Variants in SVEP1 observed in about 807,000 individuals in gnomAD.
The protein encoded by SVEP1 is sushi, von Willebrand factor type A, EGF and pentraxin domain containing 1.
In SVEP1, 164 loss-of-function variants were observed where a neutral mutation model predicts 367.3. The ratio of observed to expected loss-of-function variants is 0.45; its 90% CI spans 0.39 to 0.51. The LOEUF is 0.51. Ranked by LOEUF, SVEP1 falls within the 20% of genes least tolerant of loss-of-function variation. The pLI is 0.00. For synonymous variants in SVEP1, 1,666 were observed against 1,611.6 expected (o/e 1.03, Z -0.81); for missense variants, 4,117 against 4,425.3 (o/e 0.93, Z 1.98).
In SVEP1 at chr9:110,429,822, T is replaced by A. The variant is rs187754678; in HGVS notation, c.5615+98A>T. On this transcript the variant is annotated intron_variant, in intron 34 of 47. Transcript: ENST00000374469. The stretch of plus-strand genomic sequence containing the variant: ...ATTACATATTAATTCAAAAATGTCC[T>A]CTGCAATTATTTTCCCACCCCCTTT... 8.5e-6 allele frequency: 8 copies of A among 941,436 alleles called. No homozygotes were observed. The Admixed American group carries it at 8.5e-5, about 10-fold the overall frequency. The allele number at this position is 941,436 out of a possible 1,614,324, so 58.3% of individuals were successfully genotyped here.
chr9:110,383,312 C>T (rs990554973), intron 43 of SVEP1, among the ~76,000 whole-genome samples: 1 of 152,094 alleles, frequency 6.6e-6, no homozygotes, highest in African/African-American at 2.4e-5. Context: ...TTTTAACAGT[C>T]AGGCCCCTCT....
At chr9:110,561,986 T>G (rs1830437235) in intron 1 of SVEP1, among the ~76,000 whole-genome samples, 1 of 152,102 alleles carries the variant, frequency 6.6e-6, no homozygotes, top group South Asian at 2.1e-4. Flanking sequence ...AGTCTCAAAT[T>G]TATGGTTACG....
Position 110,411,183 on chromosome 9 carries a change from G to C in SVEP1, c.6528C>G (p.Phe2176Leu), listed in dbSNP as rs747728434. The change falls in exon 37 of 48, where the codon TTC becomes TTG. Residue 2176 changes from phenylalanine to leucine, a missense_variant. Phe to Leu is a conservative substitution (Grantham distance 22). Coordinates refer to ENST00000374469, the MANE Select transcript of SVEP1 (RefSeq NM_153366.4). ...TGCTCTTCTTTTCCCCTTTGATGTA[G>C]AACCCCTTGTTGCAGCTGTAAGCCA... ...AMVAYSCNKGFYIKGEKKSTC... is the reference protein window; with the variant it reads ...AMVAYSCNKGLYIKGEKKSTC... The C allele has an allele frequency of 1.2e-6, 2 of 1,613,966 alleles. No individual in the cohort carries two copies. The highest frequency in any genetic ancestry group is 1.7e-6 in the Non-Finnish European group (2 of 1,179,896).
At chr9:110,483,906 G>T (rs944194399) in intron 9 of SVEP1, among the ~76,000 whole-genome samples, 9 of 152,202 alleles carry the variant, frequency 5.9e-5, no homozygotes, top group African/African-American at 1.9e-4. Context: ...ATCTGTTGAA[G>T]AAAAAAATGC....
chr9:110,382,888 T>G (rs971582293), intron 43 of SVEP1, among the ~76,000 whole-genome samples: 1 of 152,192 alleles, frequency 6.6e-6, no homozygotes, highest in African/African-American at 2.4e-5. Context: ...GTTCTCGTGT[T>G]GTGTTTTTCA....
chr9:110,448,895 T>C (rs528584573), intron 24 of SVEP1, among the ~76,000 whole-genome samples: 21 of 152,360 alleles, frequency 1.4e-4, no homozygotes, highest in Non-Finnish European at 2.6e-4. Context: ...TTATTTCTTC[T>C]GGATAGCGCC....
At chr9:110,492,527 T>C (rs942489771) in intron 8 of SVEP1, among the ~76,000 whole-genome samples, 2 of 152,068 alleles carry the variant, frequency 1.3e-5, no homozygotes, top group South Asian at 2.1e-4. Flanking sequence ...ATTCCTTCCA[T>C]ATATAATTGC....
At chr9:110,415,607 A>C (rs1828108488) in intron 36 of SVEP1, among the ~76,000 whole-genome samples, 1 of 152,088 alleles carries the variant, frequency 6.6e-6, no homozygotes, top group African/African-American at 2.4e-5. Context: ...GGGCATGTAG[A>C]TCTATGCCAA....
At chr9:110,456,427 A>G (rs890784966) in intron 21 of SVEP1, among the ~76,000 whole-genome samples, 1 of 152,172 alleles carries the variant, frequency 6.6e-6, no homozygotes, top group Non-Finnish European at 1.5e-5. Context: ...TTTCTTATGG[A>G]ACGTCAAGGT....
chr9:110,408,630 G>T lies in SVEP1; in HGVS notation c.6970C>A (p.Pro2324Thr). ...SNPKCMPAKC[P>T]EPPLLENQLV... ...TGGTTTTCCAAGAGGGGCGGCTCTG[G>T]GCACTTGGCAGGCATGCACTTTGGA... The change falls in exon 38 of 48, where the codon CCA becomes ACA. Residue 2324 changes from proline (P) to threonine (T), a missense_variant. Pro to Thr is a conservative substitution (Grantham distance 38). Coordinates refer to ENST00000374469, the MANE Select transcript of SVEP1 (RefSeq NM_153366.4). 1 of 1,613,916 alleles carries T rather than the reference G, an allele frequency of 6.2e-7. No homozygotes were observed.
chr9:110,438,388 G>A (rs1828463422), intron 27 of SVEP1, among the ~76,000 whole-genome samples: 3 of 151,526 alleles, frequency 2.0e-5, no homozygotes, highest in African/African-American at 7.3e-5. Flanking sequence ...ATGGGGTTTC[G>A]CCCACCCTCA....
At chr9:110,563,525 C>T (rs140809221) in intron 1 of SVEP1, among the ~76,000 whole-genome samples, 142 of 152,172 alleles carry the variant, frequency 9.3e-4, no homozygotes, top group African/African-American at 3.2e-3. Flanking sequence ...ATAAATTTTG[C>T]AATTTATAGG....
intron 10 of SVEP1, 108 bp downstream of exon 10, chr9:110,483,478 C>A: frequency 1.7e-6 from 1 of 591,808 alleles, no homozygotes; most frequent in Admixed American, 3.4e-5. Flanking sequence ...ATTCATTCTC[C>A]CTAGACAGTT....
chr9:110,541,775 ATAT>A (rs1322348616), intron 3 of SVEP1, among the ~76,000 whole-genome samples: 1 of 147,020 alleles, frequency 6.8e-6, no homozygotes, highest in Non-Finnish European at 1.5e-5. Flanking sequence ...ATATCTATAT[ATAT>A]CTATATACAT....
intron 32 of SVEP1, 105 bp downstream of exon 32, chr9:110,431,810 T>G (rs1828353110): frequency 6.9e-7 from 1 of 1,443,814 alleles, no homozygotes; most frequent in Admixed American, 2.0e-5. Flanking sequence ...TGTATGCCCT[T>G]TGAAGTTGAA....
chr9:110,504,056 TTTTG>T (rs1162880979), intron 5 of SVEP1, among the ~76,000 whole-genome samples: 1 of 151,250 alleles, frequency 6.6e-6, no homozygotes, highest in African/African-American at 2.4e-5. Flanking sequence ...TTTTATTTTG[TTTTG>T]TTTTTTGTTT....
intron 1 of SVEP1, among the ~76,000 whole-genome samples, chr9:110,562,852 G>A (rs142470943): frequency 5.5e-4 from 84 of 152,026 alleles, no homozygotes; most frequent in African/African-American, 2.0e-3. Flanking sequence ...ACCGCACCCG[G>A]CCAATTTTTT....
At chr9:110,518,621 T>C (rs1389935072) in intron 3 of SVEP1, among the ~76,000 whole-genome samples, 1 of 152,098 alleles carries the variant, frequency 6.6e-6, no homozygotes, top group East Asian at 1.9e-4. Context: ...TAGATTTCAT[T>C]TCATGGTTAT....
chr9:110,545,656 TG>T (rs1259751573), intron 3 of SVEP1, among the ~76,000 whole-genome samples: 2 of 152,300 alleles, frequency 1.3e-5, no homozygotes, highest in Admixed American at 1.3e-4. Context: ...TTGGTTTACA[TG>T]CCTAGAGGAC....
Sources: gnomAD v4.1 joint callset for allele counts (sites outside exome capture counted in the v4.1 genomes callset) on GRCh38, gnomAD v4.1.1 for gene constraint, MANE v1.5 for transcripts, NCBI Gene and HGNC (gene_info 2026-07-23, HGNC 2026-07-21) for gene names.